The following GRM3 variants were observed in gnomAD, a reference collection of about 807,000 sequenced individuals.
GRM3 encodes glutamate metabotropic receptor 3, also known as metabotropic glutamate receptor 3.
GRM3 carries 26 observed loss-of-function variants against 70.5 expected under a neutral mutation model. The observed-to-expected ratio is 0.37, with a 90% CI of 0.27 to 0.51. The LOEUF (loss-of-function observed/expected upper bound fraction) is 0.51, where lower values mean the gene tolerates loss of function less well. Among genes scored for constraint, GRM3 ranks in the 20% least tolerant of loss-of-function variants. GRM3 has a pLI of 0.93. For synonymous variants in GRM3, 443 were observed against 434.9 expected (o/e 1.02, Z -0.23); for missense variants, 859 against 1,123.8 (o/e 0.76, Z 3.37).
At chr7:86,825,976 T>A (rs1397336297) in intron 3 of GRM3, among the ~76,000 whole-genome samples, 1 of 152,210 alleles carries the variant, frequency 6.6e-6, no homozygotes, top group African/African-American at 2.4e-5. Flanking sequence ...GAAAAGTGAT[T>A]TAAGGACAGA....
intron 1 of GRM3, among the ~76,000 whole-genome samples, chr7:86,711,727 C>T (rs1264083159): frequency 6.6e-6 from 1 of 152,092 alleles, no homozygotes; most frequent in Admixed American, 6.6e-5. Context: ...CTAAGCCAGG[C>T]ACACTCTAAA....
chr7:86,815,467 T>C (rs560526135), intron 3 of GRM3, among the ~76,000 whole-genome samples: 1 of 151,994 alleles, frequency 6.6e-6, no homozygotes, highest in African/African-American at 2.4e-5. Flanking sequence ...AGGAAATAAA[T>C]ACCATTCCCC....
chr7:86,657,889 T>C (rs1156335308), intron 1 of GRM3, among the ~76,000 whole-genome samples: 1 of 152,208 alleles, frequency 6.6e-6, no homozygotes, highest in Non-Finnish European at 1.5e-5. Flanking sequence ...CTAATCACTT[T>C]CCTTCTTCTA....
At chr7:86,648,348 A>G (rs1793528167) in intron 1 of GRM3, among the ~76,000 whole-genome samples, 1 of 152,228 alleles carries the variant, frequency 6.6e-6, no homozygotes, top group South Asian at 2.1e-4. Flanking sequence ...TTTGTTTGCA[A>G]CAGAACCCTG....
At chr7:86,834,416 T>A (rs1173845857) in intron 3 of GRM3, among the ~76,000 whole-genome samples, 1 of 152,132 alleles carries the variant, frequency 6.6e-6, no homozygotes, top group Non-Finnish European at 1.5e-5. Flanking sequence ...AGTCTTTATG[T>A]TAATTCTATT....
At chr7:86,855,173 G>A (rs1467264345) in intron 5 of GRM3, among the ~76,000 whole-genome samples, 1 of 152,114 alleles carries the variant, frequency 6.6e-6, no homozygotes, top group African/African-American at 2.4e-5. Flanking sequence ...TCCCAGAGTT[G>A]GTTCCTAAGG....
chr7:86,676,615 C>T (rs941308019), intron 1 of GRM3, among the ~76,000 whole-genome samples: 16 of 151,720 alleles, frequency 1.1e-4, no homozygotes, highest in Non-Finnish European at 2.2e-4. Flanking sequence ...AAAATGGGCC[C>T]GATATTAGCC....
chr7:86,690,891 A>G (rs1195655507), intron 1 of GRM3, among the ~76,000 whole-genome samples: 1 of 152,192 alleles, frequency 6.6e-6, no homozygotes, highest in Non-Finnish European at 1.5e-5. Context: ...CATATTCATA[A>G]TTATAGATAT....
At chr7:86,694,445 G>A (rs1794764452) in intron 1 of GRM3, among the ~76,000 whole-genome samples, 1 of 148,942 alleles carries the variant, frequency 6.7e-6, no homozygotes, top group African/African-American at 2.5e-5. Context: ...CCGGGAAGTG[G>A]GGCTTGCAGT....
At chr7:86,801,975 G>C (rs138773320) in intron 3 of GRM3, among the ~76,000 whole-genome samples, 168 of 152,120 alleles carry the variant, frequency 1.1e-3, no homozygotes, top group African/African-American at 4.0e-3. Context: ...GTGATCCTTG[G>C]TCTATCATTT....
Position 86,644,541 on chromosome 7 carries a change from C to T in GRM3, c.-472C>T. 2.7e-6 allele frequency: 1 copy of T among 374,740 alleles called. No individual in the cohort carries two copies. The highest frequency in any genetic ancestry group is 5.3e-6 in the Non-Finnish European group (1 of 188,706). 23.2% of individuals were successfully genotyped at this position (374,740 alleles called of 1,614,324 possible). On this transcript the variant is annotated 5_prime_UTR_variant, in exon 1 of 6. Transcript: ENST00000361669. ...GAAGACCACTGGGTCCCCTCTTTCC[C>T]CAACCTCCTCCCTCTCTTCTACTCC...
intron 5 of GRM3, among the ~76,000 whole-genome samples, chr7:86,851,496 C>A (rs1562882552): frequency 1.3e-5 from 2 of 152,094 alleles, no homozygotes; most frequent in Admixed American, 6.6e-5. Flanking sequence ...AGAACTGGAA[C>A]CATGAGAGGG....
chr7:86,716,792 T>C, intron 1 of GRM3, among the ~76,000 whole-genome samples: 1 of 151,984 alleles, frequency 6.6e-6, no homozygotes, highest in East Asian at 1.9e-4. Context: ...TTTCCCTTGT[T>C]GGGATAGTTT....
chr7:86,712,484 C>G (rs1335810574), intron 1 of GRM3, among the ~76,000 whole-genome samples: 6 of 152,108 alleles, frequency 3.9e-5, no homozygotes, highest in African/African-American at 1.4e-4. Flanking sequence ...TGACTTTATG[C>G]TAGAAACATT....
In GRM3 at chr7:86,848,356, T is replaced by C. The variant is rs117799205; in HGVS notation, c.2392-2014T>C. 4.7e-3 allele frequency among the ~76,000 whole-genome samples: 712 copies of C among 152,274 alleles called. 2 individuals carry two copies. Among genetic ancestry groups the C allele is most frequent in the South Asian group, 0.019 (92 of 4,830 alleles). On this transcript the variant is annotated intron_variant, in intron 4 of 5. Transcript: ENST00000361669. Reference sequence around the variant, plus strand: ...CCAGTTGCTACTTCCCTCTCAGCGCTGATTAAAGAGTAATAAGGAAGCAGT... The same window carrying C: ...CCAGTTGCTACTTCCCTCTCAGCGCCGATTAAAGAGTAATAAGGAAGCAGT...
intron 1 of GRM3, among the ~76,000 whole-genome samples, chr7:86,660,059 A>G (rs943310927): frequency 6.6e-6 from 1 of 152,060 alleles, no homozygotes; most frequent in Non-Finnish European, 1.5e-5. Context: ...CTATCAGAAT[A>G]GTATATTTGC....
intron 3 of GRM3, among the ~76,000 whole-genome samples, chr7:86,788,232 A>C (rs1193214765): frequency 6.6e-6 from 1 of 152,138 alleles, no homozygotes; most frequent in Admixed American, 6.5e-5. Context: ...GGCAGTTCTC[A>C]CATCTCCCTT....
intron 1 of GRM3, among the ~76,000 whole-genome samples, chr7:86,698,176 G>C (rs963314873): frequency 3.3e-5 from 5 of 151,984 alleles, no homozygotes; most frequent in African/African-American, 1.2e-4. Context: ...CAACTGAACT[G>C]GGGGATTTAC....
intron 3 of GRM3, among the ~76,000 whole-genome samples, chr7:86,788,890 T>G (rs533715666): frequency 1.3e-5 from 2 of 152,344 alleles, no homozygotes; most frequent in East Asian, 3.9e-4. Context: ...TATACAAATA[T>G]ATTCACTCAT....
Sources: gnomAD v4.1 joint callset for allele counts (sites outside exome capture counted in the v4.1 genomes callset) on GRCh38, gnomAD v4.1.1 for gene constraint, MANE v1.5 for transcripts, NCBI Gene and HGNC (gene_info 2026-07-23, HGNC 2026-07-21) for gene names.